CCDC148: variants seen among roughly 807,000 people sequenced by gnomAD.
The protein encoded by CCDC148 is coiled-coil domain containing 148.
In CCDC148, 89 loss-of-function variants were observed where a neutral mutation model predicts 85.7. That is an observed-to-expected ratio of 1.04 (90% CI 0.87 to 1.24). CCDC148 has a LOEUF of 1.24. Among genes scored for constraint, CCDC148 ranks in the 50% most tolerant of loss-of-function variants. The probability of loss-of-function intolerance (pLI) is 0.00; values close to 1 mark genes in which losing one functional copy is unlikely to be tolerated. For synonymous variants in CCDC148, 230 were observed against 213.9 expected (o/e 1.08, Z -0.66); for missense variants, 692 against 671.7 (o/e 1.03, Z -0.33).
chr2:158,247,899 GTATATT>G (rs1308524733), intron 10 of CCDC148, among the ~76,000 whole-genome samples: 1 of 152,050 alleles, frequency 6.6e-6, no homozygotes, highest in Non-Finnish European at 1.5e-5. Flanking sequence ...ACTAACACAG[GTATATT>G]TATATTTTTA....
chr2:158,174,206 T>A (rs1292302764), intron 13 of CCDC148, among the ~76,000 whole-genome samples: 1 of 152,070 alleles, frequency 6.6e-6, no homozygotes, highest in African/African-American at 2.4e-5. Flanking sequence ...TTGTAAATAA[T>A]TATTTTACAG....
chr2:158,173,691 T>G (rs1684428650), intron 13 of CCDC148, among the ~76,000 whole-genome samples: 1 of 151,964 alleles, frequency 6.6e-6, no homozygotes, highest in Admixed American at 6.6e-5. Context: ...TCAAGAATAA[T>G]ACAGAGATTT....
intron 7 of CCDC148, among the ~76,000 whole-genome samples, chr2:158,322,853 A>G (rs998104572): frequency 2.0e-4 from 30 of 152,148 alleles, no homozygotes. Context: ...TTAATTATAA[A>G]CTAACATTAT....
intron 11 of CCDC148, among the ~76,000 whole-genome samples, chr2:158,194,677 G>A (rs376127333): frequency 6.6e-6 from 1 of 152,038 alleles, no homozygotes; most frequent in East Asian, 1.9e-4. Flanking sequence ...CATTGCATGG[G>A]AACTATAGAA....
intron 1 of CCDC148, among the ~76,000 whole-genome samples, chr2:158,377,909 C>T (rs770467376): frequency 2.0e-5 from 3 of 152,056 alleles, no homozygotes; most frequent in Non-Finnish European, 2.9e-5. Flanking sequence ...CTGTCTTTCC[C>T]TCTCCTGGGC....
At chr2:158,187,010 T>A (rs16842716) in intron 11 of CCDC148, among the ~76,000 whole-genome samples, 8,404 of 152,092 alleles carry the variant, frequency 0.055, 779 homozygotes, top group African/African-American at 0.19. Context: ...ATGAAGTTGA[T>A]CCTTAACTGG....
At chr2:158,403,388 CATACA>C (rs1446715578) in intron 1 of CCDC148, among the ~76,000 whole-genome samples, 1 of 151,984 alleles carries the variant, frequency 6.6e-6, no homozygotes, top group Admixed American at 6.6e-5. Flanking sequence ...CCACACCATA[CATACA>C]GACACCTTCT....
intron 1 of CCDC148, among the ~76,000 whole-genome samples, chr2:158,403,407 G>A (rs988701145): frequency 1.3e-5 from 2 of 151,902 alleles, no homozygotes; most frequent in African/African-American, 4.8e-5. Flanking sequence ...ACCTTCTCCA[G>A]AAGGCACAAA....
intron 11 of CCDC148, among the ~76,000 whole-genome samples, chr2:158,211,013 C>T (rs1162365942): frequency 6.9e-6 from 1 of 145,322 alleles, no homozygotes; most frequent in Non-Finnish European, 1.5e-5. Context: ...GGGAGGGGAA[C>T]ATCACACACC....
chr2:158,398,647 T>C (rs988579542), intron 1 of CCDC148, among the ~76,000 whole-genome samples: 8 of 152,134 alleles, frequency 5.3e-5, no homozygotes, highest in Non-Finnish European at 8.8e-5. Context: ...GGGATATTTA[T>C]AGCACTAAAA....
intron 10 of CCDC148, among the ~76,000 whole-genome samples, chr2:158,244,859 T>C (rs1688504330): frequency 6.6e-6 from 1 of 152,178 alleles, no homozygotes; most frequent in Non-Finnish European, 1.5e-5. Context: ...GTGTTATTCA[T>C]TGACCGACCC....
intron 10 of CCDC148, among the ~76,000 whole-genome samples, chr2:158,233,716 C>T (rs185086817): frequency 6.6e-6 from 1 of 151,878 alleles, no homozygotes; most frequent in Non-Finnish European, 1.5e-5. Flanking sequence ...GAATGGGGAC[C>T]TGGTACATCT....
chr2:158,432,774 A>G (rs1437683966), intron 1 of CCDC148, among the ~76,000 whole-genome samples: 3 of 152,034 alleles, frequency 2.0e-5, no homozygotes, highest in Non-Finnish European at 4.4e-5. Flanking sequence ...AGCCAAAAAA[A>G]TAAATTACAG....
At chr2:158,263,201 A>G (rs962154344) in intron 9 of CCDC148, among the ~76,000 whole-genome samples, 5 of 152,182 alleles carry the variant, frequency 3.3e-5, no homozygotes, top group South Asian at 2.1e-4. Flanking sequence ...TTAGAATACA[A>G]TAAGACTCTA....
intron 9 of CCDC148, among the ~76,000 whole-genome samples, chr2:158,269,295 G>A (rs573595309): frequency 6.6e-6 from 1 of 152,044 alleles, no homozygotes; most frequent in Non-Finnish European, 1.5e-5. Context: ...GTTTTAACCT[G>A]CATTTCCCTC....
intron 1 of CCDC148, among the ~76,000 whole-genome samples, chr2:158,370,472 G>A (rs1472413985): frequency 1.3e-5 from 2 of 151,902 alleles, no homozygotes; most frequent in East Asian, 1.9e-4. Context: ...AAGTTCTTTT[G>A]CTACTGACTA....
At chr2:158,370,296 T>C (rs1017229180) in intron 1 of CCDC148, among the ~76,000 whole-genome samples, 2 of 152,106 alleles carry the variant, frequency 1.3e-5, no homozygotes, top group African/African-American at 4.8e-5. Context: ...AAAATTAAAT[T>C]AAATTAAATT....
At chr2:158,361,526 T>C (rs188181722) in intron 1 of CCDC148, among the ~76,000 whole-genome samples, 48 of 152,246 alleles carry the variant, frequency 3.2e-4, no homozygotes, top group African/African-American at 1.2e-3. Flanking sequence ...TATTCAACAT[T>C]CTTAAAGAAA....
intron 2 of CCDC148, among the ~76,000 whole-genome samples, chr2:158,350,160 G>A (rs1263270115): frequency 1.3e-5 from 2 of 152,130 alleles, no homozygotes; most frequent in African/African-American, 4.8e-5. Flanking sequence ...TAGCCATCTA[G>A]CAGCTAACAG....
Sources: allele counts gnomAD v4.1 joint callset (sites outside exome capture counted in the v4.1 genomes callset), GRCh38; gene constraint gnomAD v4.1.1; transcripts MANE v1.5; gene names NCBI Gene and HGNC (gene_info 2026-07-23, HGNC 2026-07-21).